Variants in PCGF3 observed in about 807,000 individuals in gnomAD.
The protein encoded by PCGF3 is polycomb group ring finger 3.
Under a neutral mutation model 33.1 loss-of-function variants are expected in PCGF3, and 7 were observed. The ratio of observed to expected loss-of-function variants is 0.21; its 90% CI spans 0.12 to 0.40. The LOEUF is 0.40. Ranked by LOEUF, PCGF3 falls within the 10% of genes least tolerant of loss-of-function variation. The pLI is 1.00. For synonymous variants in PCGF3, 153 were observed against 121.3 expected, an observed-to-expected ratio of 1.26 and a Z score of -1.72; for missense variants, 211 against 313.3, an observed-to-expected ratio of 0.67 and a Z score of 2.46.
chr4:737,547 C>T (rs781750070), intron 6 of PCGF3, 26 bp downstream of exon 6: 76 of 1,490,292 alleles, frequency 5.1e-5, no homozygotes, highest in Non-Finnish European at 6.6e-5. Flanking sequence ...TCTTGCTGAT[C>T]CCTGAGGTCC....
At chr4:715,571 G>A (rs13141281) in intron 1 of PCGF3, among the ~76,000 whole-genome samples, 5 of 125,358 alleles carry the variant, frequency 4.0e-5, no homozygotes, top group Admixed American at 1.5e-4. Context: ...TCGGTGCTGG[G>A]ACCCTGTGGA....
intron 4 of PCGF3, chr4:734,522 A>C: frequency 8.4e-7 from 1 of 1,197,450 alleles, no homozygotes; most frequent in Non-Finnish European, 1.0e-6. Flanking sequence ...ATTGGTTAGC[A>C]TATTTTATGT....
At chr4:753,501 A>C (rs1744619693) in intron 8 of PCGF3, among the ~76,000 whole-genome samples, 1 of 152,108 alleles carries the variant, frequency 6.6e-6, no homozygotes, top group Admixed American at 6.5e-5. Flanking sequence ...AAAAATACAA[A>C]AAATTAGCTG....
chr4:714,202 CA>C (rs1009118147), intron 1 of PCGF3, among the ~76,000 whole-genome samples: 43 of 152,230 alleles, frequency 2.8e-4, no homozygotes, highest in Non-Finnish European at 5.6e-4. Context: ...TCTGGACTCC[CA>C]GCCTGCAGAA....
chr4:738,199 T>C (rs547465739), intron 6 of PCGF3, among the ~76,000 whole-genome samples: 1 of 152,346 alleles, frequency 6.6e-6, no homozygotes, highest in African/African-American at 2.4e-5. Context: ...GGGCTGGTTC[T>C]CACTGTATCT....
At position 733,653 on chromosome 4, in the gene PCGF3, A is replaced by G; in HGVS notation, c.-9-19A>G. The G allele has an allele frequency of 6.3e-7, 1 of 1,589,722 alleles. No individual in the cohort carries two copies. Among genetic ancestry groups the G allele is most frequent in the Non-Finnish European group, 8.5e-7 (1 of 1,173,700 alleles). On this transcript the variant is annotated intron_variant, in intron 3 of 10. Transcript: ENST00000362003. ...ATGGAAGAGTTTCAGGTGTTAATTAATCGCGTTTTCTCTTGTAGAAGCCAA... is the reference window on the plus strand; with the variant it reads ...ATGGAAGAGTTTCAGGTGTTAATTAGTCGCGTTTTCTCTTGTAGAAGCCAA...
At chr4:709,315 T>A (rs1162610030) in intron 1 of PCGF3, among the ~76,000 whole-genome samples, 1 of 149,902 alleles carries the variant, frequency 6.7e-6, no homozygotes, top group Non-Finnish European at 1.5e-5. Flanking sequence ...GAATGATGCA[T>A]GAACAAATGA....
intron 1 of PCGF3, among the ~76,000 whole-genome samples, chr4:716,484 G>A (rs1411122505): frequency 7.5e-6 from 1 of 133,840 alleles, no homozygotes. Context: ...ACTGGGTGTC[G>A]GTGCTGGGAC....
At position 720,449 on chromosome 4, in the gene PCGF3, G is replaced by C. The variant is rs1437512063; in HGVS notation, c.-189-10181G>C. ...GGGCTGCCCGTCCAGAGAGGTGCAG[G>C]GTCTCTTGTCAGGTGGACAGGGGCT... On this transcript the variant is annotated intron_variant, in intron 1 of 10. Coordinates refer to ENST00000362003, the Ensembl canonical transcript of PCGF3. The surrounding 1 kb of genome is among the most constrained non-coding windows in gnomAD (Gnocchi z 5.6). Among the ~76,000 whole-genome samples the C allele has an allele frequency of 2.0e-5, 3 of 152,180 alleles. No individual in the cohort carries two copies. The highest frequency in any genetic ancestry group is 2.0e-4 in the Admixed American group (3 of 15,278).
At chr4:766,487 T>A (rs767851864) in exon 11 of PCGF3, 17 of 160,022 alleles carry the variant, frequency 1.1e-4, no homozygotes, top group Non-Finnish European at 2.0e-4. Flanking sequence ...TGGACTTTTA[T>A]TGAATCCTTC....
intron 4 of PCGF3, chr4:734,375 ATTTT>A: frequency 7.1e-7 from 1 of 1,403,628 alleles, no homozygotes; most frequent in Non-Finnish European, 9.3e-7. Context: ...GCTGGGGAGC[ATTTT>A]GTTTAAACAG....
rs146568695 is a variant in PCGF3 at position 739,022 on chromosome 4, G to A, written c.262+1501G>A. On this transcript the variant is annotated intron_variant, in intron 6 of 10. Transcript: ENST00000362003. The stretch of plus-strand genomic sequence containing the variant: ...CCTGCTGCTCCCTCAGCCTCACCCC[G>A]TGGCCTTTGATCTGTAAAGGCTGCA... Among the ~76,000 whole-genome samples the A allele has an allele frequency of 8.5e-5, 13 of 152,214 alleles. No individual in the cohort carries two copies. In the East Asian group the frequency reaches 1.5e-3, roughly 18 times the overall value.
chr4:709,677 G>T lies in PCGF3; in HGVS notation c.-190+3707G>T, dbSNP rs577695369. On this transcript the variant is annotated intron_variant, in intron 1 of 10. Transcript: ENST00000362003. ...CAATGAGGTGTAACCCTAAAACTCT[G>T]AGCTATCTAGACTCCCAAGAGAGAC... Among the ~76,000 whole-genome samples the T allele has an allele frequency of 2.0e-5, 3 of 152,358 alleles. No individual in the cohort carries two copies. The East Asian group carries it at 5.8e-4, about 29-fold the overall frequency.
chr4:706,893 G>A (rs1742330868), intron 1 of PCGF3, among the ~76,000 whole-genome samples: 2 of 134,738 alleles, frequency 1.5e-5, no homozygotes, highest in South Asian at 2.6e-4. Flanking sequence ...GACCCAGGGA[G>A]GGCGAAGACC....
chr4:708,197 C>T (rs559489170), intron 1 of PCGF3, among the ~76,000 whole-genome samples: 99 of 152,230 alleles, frequency 6.5e-4, no homozygotes, highest in Non-Finnish European at 1.1e-3. Context: ...ATGACCAGGA[C>T]CTCAAACGGG....
At chr4:769,542 T>C (rs1745530697) in exon 11 of PCGF3, 1 of 152,684 alleles carries the variant, frequency 6.5e-6, no homozygotes, top group African/African-American at 2.4e-5. Context: ...TTGAGATAAG[T>C]AGATTAGAAA....
intron 1 of PCGF3, among the ~76,000 whole-genome samples, chr4:718,627 G>A (rs1313537007): frequency 6.6e-6 from 1 of 152,230 alleles, no homozygotes; most frequent in Non-Finnish European, 1.5e-5. Context: ...CACGGTCCAC[G>A]GAGGTGGGGT....
chr4:734,383 T>C (rs1218515855), intron 4 of PCGF3: 2 of 1,398,026 alleles, frequency 1.4e-6, no homozygotes, highest in Non-Finnish European at 1.9e-6. Context: ...GCATTTTGTT[T>C]AAACAGGATC....
intron 1 of PCGF3, among the ~76,000 whole-genome samples, chr4:729,482 G>A (rs1014946656): frequency 3.9e-5 from 6 of 152,184 alleles, no homozygotes; most frequent in Non-Finnish European, 8.8e-5. Context: ...CAGTTCAGGT[G>A]CTCCACGCCA....
Sources: allele counts gnomAD v4.1 joint callset (sites outside exome capture counted in the v4.1 genomes callset), GRCh38; gene constraint gnomAD v4.1.1; non-coding constraint Gnocchi (gnomAD v3.1); transcripts MANE v1.5; gene names NCBI Gene and HGNC (gene_info 2026-07-23, HGNC 2026-07-21).